NOX4: variants seen among roughly 807,000 people sequenced by gnomAD.
The protein encoded by NOX4 is kidney oxidase-1.
Under a neutral mutation model 87.6 loss-of-function variants are expected in NOX4, and 69 were observed. The ratio of observed to expected loss-of-function variants is 0.79; its 90% CI spans 0.65 to 0.96. The LOEUF is 0.96. Among genes scored for constraint, NOX4 ranks in the 40% least tolerant of loss-of-function variants. The probability of loss-of-function intolerance (pLI) is 0.00; values close to 1 mark genes in which losing one functional copy is unlikely to be tolerated. For missense variants in NOX4, 680 were observed against 681.5 expected (o/e 1.00, Z 0.02); for synonymous variants, 275 against 238.2 (o/e 1.15, Z -1.42).
the NOX4 span, among the ~76,000 whole-genome samples, chr11:89,550,242 G>C: frequency 5.7e-3 from 857 of 151,466 alleles, 7 homozygotes; most frequent in African/African-American, 0.02. Context: ...CTGTAGTGCA[G>C]TGGCATGATC....
intron 13 of NOX4, among the ~76,000 whole-genome samples, chr11:89,354,639 G>A (rs1937865460): frequency 6.6e-6 from 1 of 152,122 alleles, no homozygotes; most frequent in Non-Finnish European, 1.5e-5. Flanking sequence ...AACCAGATGA[G>A]GCATCACTGA....
At chr11:89,426,576 T>G (rs927236783) in intron 7 of NOX4, among the ~76,000 whole-genome samples, 1 of 152,198 alleles carries the variant, frequency 6.6e-6, no homozygotes, top group Middle Eastern at 3.4e-3. Flanking sequence ...GGAGATTATA[T>G]CCCACGCATG....
intron 12 of NOX4, among the ~76,000 whole-genome samples, chr11:89,360,764 A>C (rs1938459498): frequency 6.6e-6 from 1 of 152,132 alleles, no homozygotes; most frequent in East Asian, 1.9e-4. Flanking sequence ...AGAAAAAAAC[A>C]AATAATCCCA....
upstream of NOX4, among the ~76,000 whole-genome samples, chr11:89,502,244 A>C (rs1947030488): frequency 6.6e-6 from 1 of 152,016 alleles, no homozygotes; most frequent in Non-Finnish European, 1.5e-5. Context: ...TCCACTTACT[A>C]ATAGAACCCC....
chr11:89,443,020 G>A (rs533594981), intron 5 of NOX4, among the ~76,000 whole-genome samples: 9 of 152,200 alleles, frequency 5.9e-5, no homozygotes, highest in South Asian at 2.1e-4. Flanking sequence ...CATGTGAAGC[G>A]CTGTCACTGG....
At chr11:89,403,350 T>C (rs1406889382) in intron 8 of NOX4, among the ~76,000 whole-genome samples, 3 of 152,202 alleles carry the variant, frequency 2.0e-5, no homozygotes, top group Non-Finnish European at 4.4e-5. Flanking sequence ...AAGTATTGCA[T>C]GACAAAGTAA....
the NOX4 span, among the ~76,000 whole-genome samples, chr11:89,580,036 G>A: frequency 4.6e-5 from 7 of 152,238 alleles, no homozygotes; most frequent in African/African-American, 1.2e-4. Context: ...AAATGATCAC[G>A]AGGACTTTAA....
chr11:89,500,106 A>G (rs1203994304), upstream of NOX4, among the ~76,000 whole-genome samples: 1 of 152,150 alleles, frequency 6.6e-6, no homozygotes, highest in African/African-American at 2.4e-5. Context: ...GGACTATTCA[A>G]CATCTTTGAA....
the NOX4 span, among the ~76,000 whole-genome samples, chr11:89,518,949 A>C: frequency 6.6e-6 from 1 of 152,238 alleles, no homozygotes; most frequent in South Asian, 2.1e-4. Context: ...GTAAAAAATT[A>C]GATGGTAAAG....
chr11:89,391,553 TGA>T (rs1026512544), intron 11 of NOX4, among the ~76,000 whole-genome samples: 1 of 151,792 alleles, frequency 6.6e-6, no homozygotes, highest in Non-Finnish European at 1.5e-5. Flanking sequence ...GCTAGGAGGT[TGA>T]GATTAGCCTG....
chr11:89,332,311 T>C (rs1168829757), intron 17 of NOX4, among the ~76,000 whole-genome samples: 1 of 151,842 alleles, frequency 6.6e-6, no homozygotes, highest in Non-Finnish European at 1.5e-5. Context: ...AATAAAGATA[T>C]AATCTCAAAG....
chr11:89,429,201 T>C (rs1159149656), intron 7 of NOX4, among the ~76,000 whole-genome samples: 1 of 152,088 alleles, frequency 6.6e-6, no homozygotes, highest in Non-Finnish European at 1.5e-5. Context: ...CTGGGACACA[T>C]TTAAAGCAGT....
At chr11:89,409,390 C>T (rs1942358914) in intron 8 of NOX4, among the ~76,000 whole-genome samples, 1 of 152,074 alleles carries the variant, frequency 6.6e-6, no homozygotes, top group Non-Finnish European at 1.5e-5. Context: ...AATAAACTCG[C>T]AGTTTGGAAG....
chr11:89,393,424 T>C (rs1941261448), intron 11 of NOX4, among the ~76,000 whole-genome samples: 1 of 151,632 alleles, frequency 6.6e-6, no homozygotes, highest in African/African-American at 2.4e-5. Context: ...TTTCTGCCTA[T>C]TGGGATCCCA....
At chr11:89,464,242 A>G (rs984763732) in intron 2 of NOX4, among the ~76,000 whole-genome samples, 1 of 152,090 alleles carries the variant, frequency 6.6e-6, no homozygotes, top group African/African-American at 2.4e-5. Flanking sequence ...GGATAAATAG[A>G]GCTTATTTTA....
intron 2 of NOX4, among the ~76,000 whole-genome samples, chr11:89,459,560 T>C (rs1205268292): frequency 1.3e-5 from 2 of 152,230 alleles, no homozygotes; most frequent in East Asian, 1.9e-4. Flanking sequence ...CCATTCACAA[T>C]TGCTTCAAAG....
At chr11:89,449,298 A>T in intron 4 of NOX4, 142 bp downstream of exon 4, 1 of 585,356 alleles carries the variant, frequency 1.7e-6, no homozygotes, top group Non-Finnish European at 3.0e-6. Flanking sequence ...TCTGCAGGCA[A>T]TTACCCCAAA....
chr11:89,368,574 A>G (rs1386220097), intron 12 of NOX4, among the ~76,000 whole-genome samples: 1 of 152,090 alleles, frequency 6.6e-6, no homozygotes, highest in African/African-American at 2.4e-5. Context: ...AAGAGAGTCA[A>G]TCAACTCCCT....
intron 13 of NOX4, among the ~76,000 whole-genome samples, chr11:89,343,913 T>C (rs1297884389): frequency 6.6e-6 from 1 of 152,058 alleles, no homozygotes; most frequent in Non-Finnish European, 1.5e-5. Context: ...CTCAAAAGTA[T>C]ATAAACATTT....
Sources: allele counts gnomAD v4.1 joint callset (sites outside exome capture counted in the v4.1 genomes callset), GRCh38; gene constraint gnomAD v4.1.1; transcripts MANE v1.5; gene names NCBI Gene and HGNC (gene_info 2026-07-23, HGNC 2026-07-21).